MNAT1: variants seen among roughly 807,000 people sequenced by gnomAD.
MNAT1 encodes CDK-activating kinase assembly factor MAT1.
MNAT1 carries 43 observed loss-of-function variants against 42.0 expected under a neutral mutation model. The observed-to-expected ratio is 1.02, with a 90% CI of 0.80 to 1.32. The LOEUF (loss-of-function observed/expected upper bound fraction) is 1.32. Ranked by LOEUF, MNAT1 falls within the 40% of genes most tolerant of loss-of-function variation. MNAT1 has a pLI of 0.00. For missense variants in MNAT1, 306 were observed against 350.4 expected (o/e 0.87, Z 1.01); for synonymous variants, 118 against 120.0 (o/e 0.98, Z 0.11).
intron 5 of MNAT1, among the ~76,000 whole-genome samples, chr14:60,812,751 G>C (rs1482445906): frequency 6.6e-6 from 1 of 152,114 alleles, no homozygotes; most frequent in Non-Finnish European, 1.5e-5. Flanking sequence ...AAAGACCCCA[G>C]ACTCAGTAAG....
chr14:60,737,469 G>A (rs1896337232), intron 1 of MNAT1, among the ~76,000 whole-genome samples: 2 of 151,764 alleles, frequency 1.3e-5, no homozygotes, highest in Non-Finnish European at 2.9e-5. Context: ...ATATGCATAT[G>A]TTTTCCTCTT....
At chr14:60,786,274 C>A (rs2031648627) in intron 1 of MNAT1, among the ~76,000 whole-genome samples, 1 of 150,582 alleles carries the variant, frequency 6.6e-6, no homozygotes, top group African/African-American at 2.4e-5. Flanking sequence ...GAAGAGAGAG[C>A]TAGAACAATA....
At chr14:60,756,169 T>C (rs1259175310) in intron 1 of MNAT1, among the ~76,000 whole-genome samples, 2 of 152,222 alleles carry the variant, frequency 1.3e-5, no homozygotes, top group African/African-American at 4.8e-5. Flanking sequence ...TTTGTTAACT[T>C]ACATATAGCA....
intron 1 of MNAT1, among the ~76,000 whole-genome samples, chr14:60,779,563 G>C (rs965503195): frequency 3.9e-5 from 6 of 152,112 alleles, no homozygotes; most frequent in African/African-American, 1.4e-4. Context: ...CCGAGCAGGA[G>C]GATCATGAGG....
At chr14:60,864,809 T>C (rs549134739) in intron 6 of MNAT1, among the ~76,000 whole-genome samples, 1 of 152,102 alleles carries the variant, frequency 6.6e-6, no homozygotes, top group Admixed American at 6.6e-5. Context: ...TATGTGCATT[T>C]GGTTTGGGGA....
At chr14:60,787,074 A>C (rs572502190) in intron 1 of MNAT1, among the ~76,000 whole-genome samples, 1 of 152,154 alleles carries the variant, frequency 6.6e-6, no homozygotes, top group African/African-American at 2.4e-5. Context: ...CGTTCTTTCA[A>C]GTCTCCAAAG....
At chr14:60,900,009 G>A (rs1375529695) in intron 7 of MNAT1, among the ~76,000 whole-genome samples, 1 of 151,412 alleles carries the variant, frequency 6.6e-6, no homozygotes, top group Non-Finnish European at 1.5e-5. Context: ...GTTAATAAAT[G>A]TGTGTGTTCT....
intron 6 of MNAT1, among the ~76,000 whole-genome samples, chr14:60,861,309 T>G (rs1371878661): frequency 6.6e-6 from 1 of 152,186 alleles, no homozygotes; most frequent in Non-Finnish European, 1.5e-5. Flanking sequence ...CATGAATTCA[T>G]TGGATATAGG....
intron 6 of MNAT1, among the ~76,000 whole-genome samples, chr14:60,830,793 T>C (rs2033190863): frequency 6.6e-6 from 1 of 151,950 alleles, no homozygotes; most frequent in Non-Finnish European, 1.5e-5. Context: ...CACCACTTCT[T>C]CTGCCTTTTT....
chr14:60,875,429 G>T (rs1160665013), intron 6 of MNAT1, among the ~76,000 whole-genome samples: 1 of 152,064 alleles, frequency 6.6e-6, no homozygotes, highest in Non-Finnish European at 1.5e-5. Context: ...CAATCTGACA[G>T]ACTTGGCTTT....
At chr14:60,952,649 G>T (rs754417048) in intron 7 of MNAT1, among the ~76,000 whole-genome samples, 11 of 152,154 alleles carry the variant, frequency 7.2e-5, no homozygotes, top group Non-Finnish European at 1.0e-4. Context: ...CGTTAGGTTT[G>T]TAAAGAAAGG....
In MNAT1 at chr14:60,871,626, A is replaced by AT. The variant is rs780054741; in HGVS notation, c.688-8075dup. ...TGTCTTTTTATTAGTCAATTCTAGGATTTTTTTTTTTTTGACACAGAGTTT... is the reference window on the plus strand; with the variant it reads ...TGTCTTTTTATTAGTCAATTCTAGGATTTTTTTTTTTTTTGACACAGAGTTT... On this transcript the variant is annotated intron_variant, in intron 6 of 7. Coordinates refer to ENST00000261245, the MANE Select transcript of MNAT1 (RefSeq NM_002431.4). 3.5e-3 allele frequency among the ~76,000 whole-genome samples: 496 copies of AT among 143,434 alleles called. 1 individual carries two copies. The highest frequency in any genetic ancestry group is 6.9e-3 in the African/African-American group (271 of 39,416). The allele number at this position is 143,434 out of a possible 152,430, so 94.1% of individuals were successfully genotyped here.
intron 1 of MNAT1, among the ~76,000 whole-genome samples, chr14:60,773,173 G>A (rs562159051): frequency 2.0e-5 from 3 of 152,176 alleles, no homozygotes; most frequent in African/African-American, 4.8e-5. Flanking sequence ...TCCTAACCTC[G>A]TGACCTGCCC....
intron 7 of MNAT1, among the ~76,000 whole-genome samples, chr14:60,938,109 G>C (rs984176346): frequency 6.6e-6 from 1 of 152,184 alleles, no homozygotes; most frequent in Non-Finnish European, 1.5e-5. Context: ...TTGCCTATCA[G>C]CTTGAGGAGA....
At chr14:60,878,783 C>A (rs1216286223) in intron 6 of MNAT1, among the ~76,000 whole-genome samples, 1 of 152,102 alleles carries the variant, frequency 6.6e-6, no homozygotes, top group East Asian at 1.9e-4. Flanking sequence ...CTGGTAAAGG[C>A]ATGTTTCATC....
chr14:60,943,842 G>A (rs1426144658), intron 7 of MNAT1, among the ~76,000 whole-genome samples: 1 of 152,122 alleles, frequency 6.6e-6, no homozygotes, highest in Non-Finnish European at 1.5e-5. Flanking sequence ...TCCATATGGA[G>A]CCCTGCCTTC....
At chr14:60,919,814 G>T in intron 7 of MNAT1, 1 of 156,846 alleles carries the variant, frequency 6.4e-6, no homozygotes, top group South Asian at 1.8e-4. Context: ...CTTCACAGAG[G>T]GGTACTACCT....
At chr14:60,737,851 C>CTTT (rs774334245) in intron 1 of MNAT1, among the ~76,000 whole-genome samples, 2 of 140,324 alleles carry the variant, frequency 1.4e-5, no homozygotes, top group Non-Finnish European at 3.1e-5. Flanking sequence ...AAACCCTATC[C>CTTT]TTTTTTTTTT....
At chr14:60,826,639 T>C (rs1352028252) in intron 6 of MNAT1, among the ~76,000 whole-genome samples, 2 of 152,108 alleles carry the variant, frequency 1.3e-5, no homozygotes, top group Non-Finnish European at 2.9e-5. Flanking sequence ...TTTTATAGAT[T>C]ATTGTGCCCT....
Sources: allele counts gnomAD v4.1 joint callset (sites outside exome capture counted in the v4.1 genomes callset), GRCh38; gene constraint gnomAD v4.1.1; transcripts MANE v1.5; gene names NCBI Gene and HGNC (gene_info 2026-07-23, HGNC 2026-07-21).